The following NDUFA12 variants were observed in gnomAD, a reference collection of about 807,000 sequenced individuals.
The protein encoded by NDUFA12 is NADH dehydrogenase [ubiquinone] 1 alpha subcomplex subunit 12.
NDUFA12 carries 17 observed loss-of-function variants against 20.3 expected under a neutral mutation model. The observed-to-expected ratio is 0.84, with a 90% CI of 0.57 to 1.26. The LOEUF (loss-of-function observed/expected upper bound fraction) is 1.26. Ranked by LOEUF, NDUFA12 falls within the 50% of genes most tolerant of loss-of-function variation. The pLI, the probability that NDUFA12 is intolerant of heterozygous loss-of-function variation, is 0.00. For missense variants in NDUFA12, 191 were observed against 183.7 expected, an observed-to-expected ratio of 1.04 and a Z score of -0.23; for synonymous variants, 72 against 63.6, an observed-to-expected ratio of 1.13 and a Z score of -0.63.
intron 3 of NDUFA12, among the ~76,000 whole-genome samples, chr12:94,974,308 C>G (rs963514298): frequency 4.6e-5 from 7 of 152,060 alleles, no homozygotes; most frequent in Admixed American, 2.6e-4. Context: ...ATTATCTCAT[C>G]CCAGTTAAAA....
intron 3 of NDUFA12, among the ~76,000 whole-genome samples, chr12:94,985,054 G>A (rs1176335821): frequency 7.3e-6 from 1 of 136,776 alleles, no homozygotes; most frequent in Non-Finnish European, 1.6e-5. Context: ...TGGGCATGAT[G>A]GCTCATGCCT....
rs542735732 is a variant in NDUFA12, at chr12:95,000,639, G to C, written c.169+2100C>G. Among the ~76,000 whole-genome samples the C allele has an allele frequency of 2.0e-5, 3 of 152,238 alleles. No individual in the cohort carries two copies. In the South Asian group the frequency reaches 6.2e-4, roughly 32 times the overall value. On this transcript the variant is annotated intron_variant, in intron 2 of 3. Transcript: ENST00000327772. ...ACTGAGGGTTAGGGAAGTTAATTAA[G>C]TTAACCAGGTCACAAAGTTATAAAG...
At chr12:94,992,664 C>CA (rs1285891388) in intron 3 of NDUFA12, among the ~76,000 whole-genome samples, 3 of 152,214 alleles carry the variant, frequency 2.0e-5, no homozygotes, top group Non-Finnish European at 4.4e-5. Flanking sequence ...CTCACTCTCT[C>CA]AGAGCACTTG....
At chr12:94,997,725 A>G (rs1220880226) in intron 2 of NDUFA12, among the ~76,000 whole-genome samples, 2 of 152,190 alleles carry the variant, frequency 1.3e-5, no homozygotes, top group African/African-American at 4.8e-5. Flanking sequence ...ACTGGGACGT[A>G]TAATGCAAAT....
At chr12:94,998,602 TC>T in intron 2 of NDUFA12, among the ~76,000 whole-genome samples, 1 of 152,192 alleles carries the variant, frequency 6.6e-6, no homozygotes, top group South Asian at 2.1e-4. Context: ...TCCAAAAAGC[TC>T]CTAGACCTGA....
intron 3 of NDUFA12, 40 bp downstream of exon 3, chr12:94,994,123 CAAAAAAG>C (rs1565818368): frequency 6.4e-7 from 1 of 1,574,576 alleles, no homozygotes; most frequent in Non-Finnish European, 8.7e-7. Context: ...GACCCTGTCT[CAAAAAAG>C]AAAAAAAAGA....
At chr12:94,973,050 C>G (rs1224526451) in intron 3 of NDUFA12, among the ~76,000 whole-genome samples, 1 of 152,028 alleles carries the variant, frequency 6.6e-6, no homozygotes, top group Non-Finnish European at 1.5e-5. Context: ...GATTATCTAG[C>G]TGCAGAGAAA....
chr12:94,976,762 C>A (rs1183965153), intron 3 of NDUFA12, among the ~76,000 whole-genome samples: 1 of 152,122 alleles, frequency 6.6e-6, no homozygotes, highest in African/African-American at 2.4e-5. Flanking sequence ...ATTCTTATTT[C>A]TTTTGTTATT....
intron 1 of NDUFA12, among the ~76,000 whole-genome samples, 160 bp from the exon 2 acceptor site, chr12:95,002,981 A>G (rs1042553764): frequency 1.3e-5 from 2 of 152,248 alleles, no homozygotes; most frequent in African/African-American, 4.8e-5. Context: ...TTGACAACTG[A>G]TGTGCTCAAA....
At chr12:94,972,666 C>G (rs1451925465) in intron 3 of NDUFA12, among the ~76,000 whole-genome samples, 2 of 152,140 alleles carry the variant, frequency 1.3e-5, no homozygotes, top group Non-Finnish European at 2.9e-5. Flanking sequence ...AAGCTCAGGA[C>G]CAGCCTGGGC....
At chr12:95,002,303 T>C (rs1478430166) in intron 2 of NDUFA12, among the ~76,000 whole-genome samples, 3 of 150,736 alleles carry the variant, frequency 2.0e-5, no homozygotes, top group African/African-American at 7.3e-5. Flanking sequence ...TAGCCGGCCA[T>C]GGTGGCGCCC....
At chr12:94,984,679 G>A (rs1874352063) in intron 3 of NDUFA12, among the ~76,000 whole-genome samples, 1 of 114,126 alleles carries the variant, frequency 8.8e-6, no homozygotes, top group South Asian at 3.2e-4. Context: ...GAATGATGAA[G>A]ACTTTTCAAA....
chr12:95,001,924 C>T (rs913880798), intron 2 of NDUFA12, among the ~76,000 whole-genome samples: 1 of 151,702 alleles, frequency 6.6e-6, no homozygotes, highest in African/African-American at 2.4e-5. Context: ...AGGATGCTCT[C>T]GATCTCCTGA....
At chr12:94,984,344 C>A (rs182633945) in intron 3 of NDUFA12, among the ~76,000 whole-genome samples, 8 of 151,918 alleles carry the variant, frequency 5.3e-5, no homozygotes, top group Non-Finnish European at 8.8e-5. Context: ...AGCAAACGGC[C>A]GGGTGTGGTG....
intron 2 of NDUFA12, among the ~76,000 whole-genome samples, chr12:95,002,465 GAAC>G (rs372395259): frequency 1.2e-4 from 12 of 103,604 alleles, no homozygotes; most frequent in South Asian, 3.5e-4. Flanking sequence ...AAAAAAAAAA[GAAC>G]AAAAACACTT....
rs71075891 is a variant in NDUFA12, at chr12:94,996,324, TACAC to T, written c.170-2071_170-2068del. 8.9e-3 allele frequency among the ~76,000 whole-genome samples: 1,254 copies of T among 141,264 alleles called. 8 individuals carry two copies. Among genetic ancestry groups the T allele is most frequent in the East Asian group, 0.018 (78 of 4,286 alleles). 92.7% of individuals were successfully genotyped at this position (141,264 alleles called of 152,430 possible). Reference sequence around the variant, plus strand: ...ATATATAAATACATACATATATAGGTACACACACACACACACACACACACACACA... The same window carrying T: ...ATATATAAATACATACATATATAGGTACACACACACACACACACACACACA... On this transcript the variant is annotated intron_variant, in intron 2 of 3. Coordinates refer to ENST00000327772, the MANE Select transcript of NDUFA12 (RefSeq NM_018838.5).
intron 3 of NDUFA12, among the ~76,000 whole-genome samples, chr12:94,973,063 GA>G (rs923248171): frequency 9.9e-5 from 15 of 152,130 alleles, no homozygotes; most frequent in Admixed American, 9.2e-4. Flanking sequence ...CAGAGAAAAG[GA>G]CAAGAGGAGG....
Position 94,971,632 on chromosome 12 carries a change from G to A in NDUFA12, c.258-12C>T. 1.2e-6 allele frequency: 2 copies of A among 1,613,948 alleles called. No homozygotes were observed. Among genetic ancestry groups the A allele is most frequent in the Non-Finnish European group, 1.7e-6 (2 of 1,180,000 alleles). Reference sequence around the variant, plus strand: ...GAAGCCAACGATGCCTTAAAGAGGGGAAAAAACCCAAACAGTTATGAAGAG... The same window carrying A: ...GAAGCCAACGATGCCTTAAAGAGGGAAAAAAACCCAAACAGTTATGAAGAG... On this transcript the variant is annotated splice_polypyrimidine_tract_variant and intron_variant, in intron 3 of 3. Transcript: ENST00000327772.
intron 2 of NDUFA12, chr12:94,997,122 C>CAG: frequency 3.9e-6 from 1 of 256,216 alleles, no homozygotes; most frequent in Non-Finnish European, 7.6e-6. Flanking sequence ...GGGAGGATTG[C>CAG]TTGAGCTCAG....
Sources: gnomAD v4.1 joint callset for allele counts (sites outside exome capture counted in the v4.1 genomes callset) on GRCh38, gnomAD v4.1.1 for gene constraint, MANE v1.5 for transcripts, NCBI Gene and HGNC (gene_info 2026-07-23, HGNC 2026-07-21) for gene names.